Variants in NKD2 observed in about 807,000 individuals in gnomAD.
NKD2 encodes NKD inhibitor of Wnt signaling pathway 2.
In NKD2, 43 loss-of-function variants were observed where a neutral mutation model predicts 34.8. That is an observed-to-expected ratio of 1.24 (90% CI 0.97 to 1.60). The LOEUF (loss-of-function observed/expected upper bound fraction) is 1.60. Among genes scored for constraint, NKD2 ranks in the 40% most tolerant of loss-of-function variants. The pLI, the probability that NKD2 is intolerant of heterozygous loss-of-function variation, is 0.00. For missense variants in NKD2, 675 were observed against 627.1 expected (o/e 1.08, Z -0.82); for synonymous variants, 278 against 265.1 (o/e 1.05, Z -0.47).
At chr5:1,037,548 C>T (rs540602351) in intron 9 of NKD2, 383 of 1,535,874 alleles carry the variant, frequency 2.5e-4, no homozygotes, top group Non-Finnish European at 3.0e-4. Context: ...AGAGAAGCTC[C>T]GCTCCCAGGA....
chr5:1,016,296 A>G (rs181758861), intron 3 of NKD2, among the ~76,000 whole-genome samples: 1 of 152,226 alleles, frequency 6.6e-6, no homozygotes, highest in Non-Finnish European at 1.5e-5. Context: ...ATCTGCTTTC[A>G]TGTTGGCAAA....
At chr5:1,028,311 C>G (rs1453178060) in intron 3 of NKD2, among the ~76,000 whole-genome samples, 2 of 152,198 alleles carry the variant, frequency 1.3e-5, no homozygotes, top group Non-Finnish European at 2.9e-5. Context: ...CAAAGGCTAC[C>G]TGTTGTTGAC....
In NKD2 at chr5:1,034,919, G is replaced by A; in HGVS notation, c.574+16G>A. The A allele has an allele frequency of 6.3e-7, 1 of 1,597,394 alleles. No homozygotes were observed. The highest frequency in any genetic ancestry group is 8.5e-7 in the Non-Finnish European group (1 of 1,171,420). ...GCTGGCCAGGGTGAGTGAGGCCTGG[G>A]CACACACAGAGGACCCTACCCAACA... On this transcript the variant is annotated intron_variant, in intron 7 of 9. Coordinates refer to ENST00000296849, the MANE Select transcript of NKD2 (RefSeq NM_033120.4).
rs1168633900 is a variant in NKD2, at chr5:1,009,931, TGAGCTGGAG to T, written c.141+375_141+383del. ...GCGGGAATGCAGTACCCCGGCTGGATGAGCTGGAGGAGTTGGAGGAGGGGTGGGAGCTAC... is the reference window on the plus strand; with the variant it reads ...GCGGGAATGCAGTACCCCGGCTGGATGAGTTGGAGGAGGGGTGGGAGCTAC... On this transcript the variant is annotated intron_variant, in intron 3 of 9. Coordinates refer to ENST00000296849, the MANE Select transcript of NKD2 (RefSeq NM_033120.4). The surrounding 1 kb of genome is among the most constrained non-coding windows in gnomAD (Gnocchi z 6.9). Among the ~76,000 whole-genome samples the T allele has an allele frequency of 6.6e-6, 1 of 151,794 alleles. No individual in the cohort carries two copies. The highest frequency in any genetic ancestry group is 1.5e-5 in the Non-Finnish European group (1 of 67,894).
rs149672036 is a variant in NKD2 at position 1,037,889 on chromosome 5, C to T, written c.872C>T (p.Thr291Ile). 2.9e-4 allele frequency: 470 copies of T among 1,605,942 alleles called. No homozygotes were observed. Among genetic ancestry groups the T allele is most frequent in the South Asian group, 1.0e-3 (94 of 90,916 alleles). The change falls in exon 10 of 10, where the codon ACA becomes ATA. Residue 291 changes from threonine (T) to isoleucine (I), a missense_variant. Transcript: ENST00000296849. Reference sequence around the variant, plus strand: ...CGGTCCCGCTCCCAGGAGCCAGATACACATGCCGTACACCACCGCAGGTCA... The same window carrying T: ...CGGTCCCGCTCCCAGGAGCCAGATATACATGCCGTACACCACCGCAGGTCA... ...QARSRSQEPD[T>I]HAVHHRRSQV...
At chr5:1,012,951 C>A (rs1755810302) in intron 3 of NKD2, among the ~76,000 whole-genome samples, 1 of 152,230 alleles carries the variant, frequency 6.6e-6, no homozygotes, top group Non-Finnish European at 1.5e-5. Flanking sequence ...GACGCTACCG[C>A]ATCAACACAG....
intron 9 of NKD2, chr5:1,037,472 G>A: frequency 6.7e-7 from 1 of 1,500,644 alleles, no homozygotes; most frequent in Non-Finnish European, 9.0e-7. Context: ...AATCCTGGGG[G>A]CGCCCTCCCT....
At chr5:1,017,956 G>A (rs113857450) in intron 3 of NKD2, among the ~76,000 whole-genome samples, 9 of 152,152 alleles carry the variant, frequency 5.9e-5, no homozygotes, top group African/African-American at 1.4e-4. Flanking sequence ...AGGCAGGGGC[G>A]GGGGCTGCCA....
rs1475547893 is a variant in NKD2 at position 1,023,536 on chromosome 5, G to A, written c.142-8616G>A. On this transcript the variant is annotated intron_variant, in intron 3 of 9. Transcript: ENST00000296849. The stretch of plus-strand genomic sequence containing the variant: ...TCTGCTCTTCCCACCCTCTGTGGGC[G>A]TCTCAGCCCGTTGTCCCTGCTCTTC... 7.9e-4 allele frequency among the ~76,000 whole-genome samples: 3 copies of A among 3,776 alleles called. 1 individual carries two copies. The highest frequency in any genetic ancestry group is 0.02 in the Admixed American group (2 of 98). The allele number at this position is 3,776 out of a possible 152,430, so 2.5% of individuals were successfully genotyped here. A position where few individuals can be genotyped will look rare whatever the true frequency, so the allele number is the denominator to read the frequency against.
chr5:1,035,243 T>A, intron 7 of NKD2, 146 bp from the exon 8 acceptor site: 3 of 702,768 alleles, frequency 4.3e-6, no homozygotes, highest in Non-Finnish European at 5.0e-6. Flanking sequence ...AATGAATGAG[T>A]GAACAAGTGA....
chr5:1,031,300 C>A, intron 3 of NKD2, among the ~76,000 whole-genome samples: 1 of 152,150 alleles, frequency 6.6e-6, no homozygotes, highest in East Asian at 1.9e-4. Context: ...TGTGTCCACC[C>A]ACGGAGACAC....
intron 3 of NKD2, among the ~76,000 whole-genome samples, chr5:1,030,575 G>T (rs1486678251): frequency 1.3e-5 from 2 of 152,224 alleles, no homozygotes; most frequent in African/African-American, 4.8e-5. Context: ...TACAGCCTGG[G>T]TTTTAGAGAT....
intron 3 of NKD2, among the ~76,000 whole-genome samples, chr5:1,026,897 C>T (rs1159787376): frequency 6.6e-6 from 1 of 152,264 alleles, no homozygotes; most frequent in Non-Finnish European, 1.5e-5. Context: ...CTACCTTGCT[C>T]CTCACCACTT....
At chr5:1,034,986 A>AAGTGAGTGGATGGAGG in intron 7 of NKD2, 83 bp downstream of exon 7, 1 of 1,308,600 alleles carries the variant, frequency 7.6e-7, no homozygotes, top group East Asian at 2.5e-5. Context: ...AGGGAGGGAC[A>AAGTGAGTGGATGGAGG]AGTGAGTGGA....
At position 1,038,423 on chromosome 5, in the gene NKD2, CAG is replaced by C; in HGVS notation, c.*51_*52del. The C allele has an allele frequency of 6.5e-7, 1 of 1,535,678 alleles. No homozygotes were observed. Among genetic ancestry groups the C allele is most frequent in the Non-Finnish European group, 8.7e-7 (1 of 1,146,680 alleles). ...CCCAGCACACCACAGCCCGCGACCT[CAG>C]GGCAGGGAGCAGAGCAGCTGCCGGC... On this transcript the variant is annotated 3_prime_UTR_variant, in exon 10 of 10. Transcript: ENST00000296849. This position sits in a 1 kb window ranked among gnomAD's most constrained non-coding sequence, Gnocchi z 4.5.
Position 1,035,160 on chromosome 5 carries a change from A to ATGAG in NKD2, c.575-222_575-219dup, listed in dbSNP as rs146231626. Among the ~76,000 whole-genome samples, 18 of 151,304 alleles carry ATGAG rather than the reference A, an allele frequency of 1.2e-4. No individual in the cohort carries two copies. In the East Asian group the frequency reaches 2.5e-3, roughly 21 times the overall value. On this transcript the variant is annotated intron_variant, in intron 7 of 9. Transcript: ENST00000296849. ...AGTTAATGAATGAATGAGTTAATGA[A>ATGAG]TGAGTGAGTGTTAATGAATGAGTGA...
chr5:1,026,460 A>G (rs34504057), intron 3 of NKD2, among the ~76,000 whole-genome samples: 3 of 61,342 alleles, frequency 4.9e-5, no homozygotes, highest in Non-Finnish European at 9.4e-5. Flanking sequence ...GTCTCAGCCC[A>G]TTGTCCCTGC....
chr5:1,037,745 G>A (rs1354632198), intron 9 of NKD2, 60 bp from the exon 10 acceptor site: 1 of 1,570,300 alleles, frequency 6.4e-7, no homozygotes, highest in Non-Finnish European at 8.6e-7. Flanking sequence ...GGCCGTTTCT[G>A]AGGAGATGGG....
At chr5:1,036,503 A>ACCCCCC (rs1491491725) in intron 9 of NKD2, 119 bp downstream of exon 9, 23 of 207,770 alleles carry the variant, frequency 1.1e-4, no homozygotes, top group African/African-American at 3.6e-4. Context: ...CCCCCCCCCA[A>ACCCCCC]CCCCCCCCAC....
Sources: allele counts gnomAD v4.1 joint callset (sites outside exome capture counted in the v4.1 genomes callset), GRCh38; gene constraint gnomAD v4.1.1; non-coding constraint Gnocchi (gnomAD v3.1); transcripts MANE v1.5; gene names NCBI Gene and HGNC (gene_info 2026-07-23, HGNC 2026-07-21).